PLD5: variants seen among roughly 807,000 people sequenced by gnomAD.
The protein encoded by PLD5 is phospholipase D family member 5.
In PLD5, 36 loss-of-function variants were observed where a neutral mutation model predicts 61.1. The ratio of observed to expected loss-of-function variants is 0.59; its 90% CI spans 0.45 to 0.78. PLD5 has a LOEUF of 0.78. Ranked by LOEUF, PLD5 falls within the 30% of genes least tolerant of loss-of-function variation. The probability of loss-of-function intolerance (pLI) is 0.00; values close to 1 mark genes in which losing one functional copy is unlikely to be tolerated. For missense variants in PLD5, 515 were observed against 644.4 expected, an observed-to-expected ratio of 0.80 and a Z score of 2.17; for synonymous variants, 243 against 242.8, an observed-to-expected ratio of 1.00 and a Z score of -0.01.
chr1:242,266,224 T>G (rs1270119188), intron 3 of PLD5, among the ~76,000 whole-genome samples: 4 of 151,982 alleles, frequency 2.6e-5, no homozygotes, highest in Admixed American at 6.6e-5. Context: ...CTACTAAAAA[T>G]AGAAAAATTA....
At chr1:242,098,867 A>G (rs1397206314) in intron 9 of PLD5, among the ~76,000 whole-genome samples, 1 of 152,172 alleles carries the variant, frequency 6.6e-6, no homozygotes, top group Non-Finnish European at 1.5e-5. Context: ...GAGGCTGCAG[A>G]ACAGCAGATA....
At chr1:242,303,914 G>A (rs552112289) in intron 2 of PLD5, among the ~76,000 whole-genome samples, 13 of 152,136 alleles carry the variant, frequency 8.5e-5, no homozygotes, top group Non-Finnish European at 1.9e-4. Context: ...ATTTTCATAA[G>A]TTGAGGCTGC....
chr1:242,298,230 C>T (rs550741051), intron 2 of PLD5, among the ~76,000 whole-genome samples: 51 of 152,246 alleles, frequency 3.3e-4, no homozygotes, highest in African/African-American at 1.2e-3. Context: ...AGATGAACGC[C>T]TCATTATTTC....
chr1:242,180,761 G>A (rs1207235893), intron 5 of PLD5, among the ~76,000 whole-genome samples: 12 of 152,186 alleles, frequency 7.9e-5, no homozygotes, highest in African/African-American at 1.7e-4. Context: ...CAGGAGGATC[G>A]CTTGAGCTCA....
Position 242,363,386 on chromosome 1 carries a change from T to C in PLD5, c.190-15144A>G, listed in dbSNP as rs541382963. Among the ~76,000 whole-genome samples the C allele has an allele frequency of 8.6e-5, 13 of 151,152 alleles. No individual in the cohort carries two copies. The South Asian group carries it at 2.1e-3, about 24-fold the overall frequency. On this transcript the variant is annotated intron_variant, in intron 1 of 9. Transcript: ENST00000536534. Reference sequence around the variant, plus strand: ...AAATCATAAAAAGCTAGCATTAAATTTGGGCACAGTAGCCTGCGAACAGCC... The same window carrying C: ...AAATCATAAAAAGCTAGCATTAAATCTGGGCACAGTAGCCTGCGAACAGCC...
chr1:242,285,533 G>A (rs1001632479), intron 3 of PLD5, among the ~76,000 whole-genome samples: 1 of 151,772 alleles, frequency 6.6e-6, no homozygotes, highest in Non-Finnish European at 1.5e-5. Context: ...AAGCCATGTG[G>A]GATTGGGTCA....
In PLD5 at chr1:242,361,638, A is replaced by G. The variant is rs548436004; in HGVS notation, c.190-13396T>C. ...AATCTGTACTTTCACAGCAGTTTAC[A>G]TGCATATGAAAAGAATTGCTTTCTT... On this transcript the variant is annotated intron_variant, in intron 1 of 9. Coordinates refer to ENST00000536534, the MANE Select transcript of PLD5 (RefSeq NM_001372062.1). Among the ~76,000 whole-genome samples the G allele has an allele frequency of 5.9e-5, 9 of 152,346 alleles. No individual in the cohort carries two copies. The East Asian group carries it at 9.6e-4, about 16-fold the overall frequency.
At chr1:242,458,007 G>A (rs1003024313) in intron 1 of PLD5, among the ~76,000 whole-genome samples, 4 of 152,208 alleles carry the variant, frequency 2.6e-5, no homozygotes, top group Non-Finnish European at 4.4e-5. Flanking sequence ...TTTAGGTATC[G>A]ACCTTTGTGC....
At chr1:242,203,930 C>T (rs997511267) in intron 5 of PLD5, among the ~76,000 whole-genome samples, 1 of 152,052 alleles carries the variant, frequency 6.6e-6, no homozygotes, top group Non-Finnish European at 1.5e-5. Flanking sequence ...CTCTTTAAGT[C>T]TTCTTTCTAA....
chr1:242,246,803 G>C (rs1672394717), intron 4 of PLD5, among the ~76,000 whole-genome samples: 1 of 152,098 alleles, frequency 6.6e-6, no homozygotes, highest in Admixed American at 6.5e-5. Flanking sequence ...AAGACGTCCT[G>C]AGAAAGCGTG....
At chr1:242,448,337 A>C (rs896584581) in intron 1 of PLD5, among the ~76,000 whole-genome samples, 2 of 152,042 alleles carry the variant, frequency 1.3e-5, no homozygotes, top group African/African-American at 4.8e-5. Flanking sequence ...AAAATTCCCA[A>C]CCCTCCCTTC....
intron 1 of PLD5, among the ~76,000 whole-genome samples, chr1:242,437,056 A>C (rs1056869637): frequency 7.9e-5 from 12 of 152,136 alleles, no homozygotes; most frequent in African/African-American, 2.9e-4. Flanking sequence ...AGAGGTTTAT[A>C]TGTGATCTCG....
intron 5 of PLD5, among the ~76,000 whole-genome samples, chr1:242,194,899 G>T (rs1464644369): frequency 6.6e-6 from 1 of 152,060 alleles, no homozygotes; most frequent in Non-Finnish European, 1.5e-5. Flanking sequence ...GCGGGTAAGG[G>T]ATAAGAGACT....
chr1:242,160,114 C>A (rs999992023), intron 5 of PLD5, among the ~76,000 whole-genome samples: 1 of 151,978 alleles, frequency 6.6e-6, no homozygotes, highest in African/African-American at 2.4e-5. Context: ...TGGGCTCAAG[C>A]AATACTCTTG....
intron 1 of PLD5, among the ~76,000 whole-genome samples, chr1:242,519,899 A>G (rs1180595373): frequency 1.3e-5 from 2 of 152,232 alleles, no homozygotes; most frequent in East Asian, 3.9e-4. Context: ...CTTTGGGCAG[A>G]GTGAGAGGAC....
chr1:242,145,026 A>G (rs2148801124), intron 5 of PLD5, among the ~76,000 whole-genome samples: 1 of 152,304 alleles, frequency 6.6e-6, no homozygotes, highest in Admixed American at 6.5e-5. Flanking sequence ...CAGAACAACT[A>G]TGTTAGGTAG....
chr1:242,100,807 A>G (rs1034391456), intron 8 of PLD5, 25 bp from the exon 9 acceptor site: 16 of 1,486,894 alleles, frequency 1.1e-5, no homozygotes, highest in Non-Finnish European at 1.5e-5. Flanking sequence ...AAAAGGGGGC[A>G]GGTAAATAAG....
chr1:242,328,652 G>T (rs1167667268), intron 2 of PLD5, among the ~76,000 whole-genome samples: 2 of 152,178 alleles, frequency 1.3e-5, no homozygotes. Context: ...ATAAAAAATA[G>T]TTCTCGAGAA....
intron 8 of PLD5, among the ~76,000 whole-genome samples, chr1:242,105,022 T>G (rs1004830067): frequency 2.0e-5 from 3 of 152,204 alleles, no homozygotes; most frequent in African/African-American, 7.2e-5. Context: ...GTAGCATTGG[T>G]TTACTCAATG....
Sources: allele counts gnomAD v4.1 joint callset (sites outside exome capture counted in the v4.1 genomes callset), GRCh38; gene constraint gnomAD v4.1.1; transcripts MANE v1.5; gene names NCBI Gene and HGNC (gene_info 2026-07-23, HGNC 2026-07-21).